Variants in KCNH5 observed in about 807,000 individuals in gnomAD.
The protein encoded by KCNH5 is potassium voltage-gated channel subfamily H member 5.
In KCNH5, 46 loss-of-function variants were observed where a neutral mutation model predicts 96.1. That is an observed-to-expected ratio of 0.48 (90% CI 0.38 to 0.61). The LOEUF (loss-of-function observed/expected upper bound fraction) is 0.61. Among genes scored for constraint, KCNH5 ranks in the 20% least tolerant of loss-of-function variants. KCNH5 has a pLI of 0.00. For missense variants in KCNH5, 907 were observed against 1,225.8 expected (o/e 0.74, Z 3.88); for synonymous variants, 439 against 449.8 (o/e 0.98, Z 0.30).
At chr14:62,978,096 G>T (rs1355056760) in intron 6 of KCNH5, among the ~76,000 whole-genome samples, 1 of 152,204 alleles carries the variant, frequency 6.6e-6, no homozygotes, top group Non-Finnish European at 1.5e-5. Flanking sequence ...GCAGCCTTCA[G>T]TTAACTGTGT....
intron 3 of KCNH5, among the ~76,000 whole-genome samples, chr14:63,005,803 C>T (rs1891114268): frequency 6.6e-6 from 1 of 152,056 alleles, no homozygotes; most frequent in Non-Finnish European, 1.5e-5. Flanking sequence ...AAATCTCATC[C>T]CAGAGAAAGG....
At chr14:63,013,909 T>C (rs1891276442) in intron 2 of KCNH5, among the ~76,000 whole-genome samples, 1 of 152,108 alleles carries the variant, frequency 6.6e-6, no homozygotes, top group African/African-American at 2.4e-5. Flanking sequence ...ATGGATATAG[T>C]TTAATTTTAA....
intron 10 of KCNH5, among the ~76,000 whole-genome samples, chr14:62,766,641 C>G (rs1032847111): frequency 1.3e-5 from 2 of 152,002 alleles, no homozygotes; most frequent in African/African-American, 4.8e-5. Flanking sequence ...AATAATTGAA[C>G]TCATAATTAT....
chr14:62,836,036 TAAC>T (rs771587526), intron 8 of KCNH5, among the ~76,000 whole-genome samples: 1 of 152,042 alleles, frequency 6.6e-6, no homozygotes, highest in Non-Finnish European at 1.5e-5. Flanking sequence ...TCTATGTAAA[TAAC>T]AAGCTTGACA....
intron 10 of KCNH5, among the ~76,000 whole-genome samples, chr14:62,765,041 C>CA (rs1255299844): frequency 6.6e-6 from 1 of 151,680 alleles, no homozygotes; most frequent in African/African-American, 2.4e-5. Flanking sequence ...TATATGGAAC[C>CA]AAAAAAAGAG....
intron 10 of KCNH5, among the ~76,000 whole-genome samples, chr14:62,736,552 G>A (rs1303719226): frequency 1.3e-5 from 2 of 151,984 alleles, no homozygotes; most frequent in Non-Finnish European, 2.9e-5. Flanking sequence ...CCTCCAGCCA[G>A]GAAGATGCCA....
At chr14:62,822,488 T>C (rs1025304295) in intron 8 of KCNH5, among the ~76,000 whole-genome samples, 31 of 152,096 alleles carry the variant, frequency 2.0e-4, no homozygotes, top group African/African-American at 7.0e-4. Flanking sequence ...ACTAAGTTTT[T>C]ACCAAGGAGC....
chr14:62,909,397 A>C (rs1005948701), intron 7 of KCNH5, among the ~76,000 whole-genome samples: 17 of 152,218 alleles, frequency 1.1e-4, no homozygotes, highest in Non-Finnish European at 7.3e-5. Flanking sequence ...ATGGAAGAAC[A>C]GAAAGTTCTC....
chr14:62,876,304 A>G (rs746279000), intron 7 of KCNH5, among the ~76,000 whole-genome samples: 1 of 152,238 alleles, frequency 6.6e-6, no homozygotes, highest in Non-Finnish European at 1.5e-5. Flanking sequence ...AAAGTAAATA[A>G]TGCATACTCA....
chr14:62,890,698 CAAAAAA>C (rs1277209731), intron 7 of KCNH5, among the ~76,000 whole-genome samples: 40 of 55,898 alleles, frequency 7.2e-4, no homozygotes, highest in African/African-American at 2.5e-3. Context: ...GACTCCGTCT[CAAAAAA>C]AAAAAAAAAA....
At chr14:62,894,918 G>A (rs1233084144) in intron 7 of KCNH5, among the ~76,000 whole-genome samples, 1 of 152,152 alleles carries the variant, frequency 6.6e-6, no homozygotes, top group East Asian at 1.9e-4. Flanking sequence ...CTGTTCTACA[G>A]CTGGGAATCT....
At chr14:62,798,899 T>C (rs1015698246) in intron 9 of KCNH5, among the ~76,000 whole-genome samples, 1 of 152,152 alleles carries the variant, frequency 6.6e-6, no homozygotes, top group African/African-American at 2.4e-5. Context: ...TAACCTCCCT[T>C]CTCTACCTTT....
At chr14:62,771,154 G>A (rs1885977513) in intron 10 of KCNH5, among the ~76,000 whole-genome samples, 1 of 152,142 alleles carries the variant, frequency 6.6e-6, no homozygotes, top group African/African-American at 2.4e-5. Flanking sequence ...ACTGCACCTT[G>A]ATTTTGGACT....
At position 63,006,337 on chromosome 14, in the gene KCNH5, C is replaced by T. The variant is rs759090042; in HGVS notation, c.304+29G>A. ...AAACATAATATTAATAAAGAGTTGG[C>T]ACATCTTATTAATAATTGAGATACC... On this transcript the variant is annotated intron_variant, in intron 3 of 10. Transcript: ENST00000322893. The T allele has an allele frequency of 8.4e-6, 11 of 1,313,352 alleles. No individual in the cohort carries two copies. The East Asian group carries it at 1.4e-4, about 17-fold the overall frequency. The allele number at this position is 1,313,352 out of a possible 1,614,324, so 81.4% of individuals were successfully genotyped here. A position where few individuals can be genotyped will look rare whatever the true frequency, so the allele number is the denominator to read the frequency against.
At position 62,703,248 on chromosome 14, in the gene KCNH5, C is replaced by T. The variant is rs557313901; in HGVS notation, c.*4260G>A. 2.0e-4 allele frequency: 31 copies of T among 151,958 alleles called. No homozygotes were observed. Among genetic ancestry groups the T allele is most frequent in the African/African-American group, 6.5e-4 (27 of 41,546 alleles). 9.4% of individuals were successfully genotyped at this position (151,958 alleles called of 1,614,324 possible). On this transcript the variant is annotated 3_prime_UTR_variant, in exon 11 of 11. Transcript: ENST00000322893. ...GCAAACTATGCCTCTCTCCATTAAC[C>T]TCTGACCAGATAAATCTCTTCTAAA...
intron 7 of KCNH5, among the ~76,000 whole-genome samples, chr14:62,854,545 C>G (rs575754075): frequency 6.6e-6 from 1 of 152,124 alleles, no homozygotes; most frequent in Admixed American, 6.5e-5. Context: ...TTCCCATGGT[C>G]TGGCCAGTTT....
At chr14:62,884,927 T>C (rs1328450689) in intron 7 of KCNH5, among the ~76,000 whole-genome samples, 1 of 152,144 alleles carries the variant, frequency 6.6e-6, no homozygotes, top group Non-Finnish European at 1.5e-5. Context: ...AAATACAACA[T>C]AGCAAACAAA....
intron 10 of KCNH5, among the ~76,000 whole-genome samples, chr14:62,751,818 C>A (rs1158110363): frequency 6.6e-6 from 1 of 152,174 alleles, no homozygotes; most frequent in East Asian, 1.9e-4. Flanking sequence ...AAGAGCTGTT[C>A]CATAGAAGTA....
chr14:63,030,430 C>G (rs1891603630), intron 1 of KCNH5, among the ~76,000 whole-genome samples: 1 of 152,256 alleles, frequency 6.6e-6, no homozygotes, highest in East Asian at 1.9e-4. Context: ...CAGAGGAGAA[C>G]ATAAAATAAA....
Sources: gnomAD v4.1 joint callset for allele counts (sites outside exome capture counted in the v4.1 genomes callset) on GRCh38, gnomAD v4.1.1 for gene constraint, MANE v1.5 for transcripts, NCBI Gene and HGNC (gene_info 2026-07-23, HGNC 2026-07-21) for gene names.